RPS6: variants seen among roughly 807,000 people sequenced by gnomAD.
RPS6 encodes the protein small ribosomal subunit protein eS6.
In RPS6, 1 loss-of-function variant was observed where a neutral mutation model predicts 27.1. The ratio of observed to expected loss-of-function variants is 0.04; its 90% confidence interval spans 0.01 to 0.18. The LOEUF (loss-of-function observed/expected upper bound fraction) is 0.18. Ranked by LOEUF, RPS6 falls within the 10% of genes least tolerant of loss-of-function variation. The probability of loss-of-function intolerance (pLI) is 1.00; values close to 1 mark genes in which losing one functional copy is unlikely to be tolerated. For synonymous variants in RPS6, 152 were observed against 106.0 expected, an observed-to-expected ratio of 1.43 and a Z score of -2.66; for missense variants, 259 against 319.1, an observed-to-expected ratio of 0.81 and a Z score of 1.44.
chr9:19,376,844 T>TATAAAAATATAAGGGAAACCAA (rs1829596770), intron 4 of RPS6, 193 bp from the exon 5 acceptor site: 4 of 486,554 alleles, frequency 8.2e-6, no homozygotes, highest in Middle Eastern at 5.6e-4. Context: ...GGTTAAATAT[T>TATAAAAATATAAGGGAAACCAA]ATAAAAATAT....
In RPS6 at chr9:19,378,914, T is replaced by G; in HGVS notation, c.143A>C (p.Tyr48Ser). The G allele has an allele frequency of 6.2e-7, 1 of 1,613,984 alleles. No homozygotes were observed. Among genetic ancestry groups the G allele is most frequent in the Non-Finnish European group, 8.5e-7 (1 of 1,179,922 alleles). The change falls in exon 3 of 6, where the codon TAT becomes TCT. Residue 48 changes from tyrosine (Y) to serine (S), a missense_variant. Transcript: ENST00000380394. ...ADALGEEWKG[Y>S]VVRISGGNDK... is the part of the protein sequence containing the mutation. ...GTTCCCACCACTGATTCGGACCACA[T>G]AACCCTGCAAGAGCATACAATGAAT...
intron 2 of RPS6, 164 bp downstream of exon 2, chr9:19,379,323 C>G: frequency 6.6e-7 from 1 of 1,508,238 alleles, no homozygotes; most frequent in South Asian, 1.3e-5. Context: ...CTCTACGTCC[C>G]CCCCTCCAAG....
chr9:19,379,468 A>T lies in RPS6; in HGVS notation c.138+19T>A, dbSNP rs775837288. 6.2e-7 allele frequency: 1 copy of T among 1,614,080 alleles called. No individual in the cohort carries two copies. The highest frequency in any genetic ancestry group is 1.7e-5 in the Admixed American group (1 of 60,000). ...ACCGTCTCTGACTTAAATACCTGCA[A>T]CAATTTGTCAACTTTTACCTTCCAT... On this transcript the variant is annotated intron_variant, in intron 2 of 5. Transcript: ENST00000380394.
chr9:19,376,247 A>G lies in RPS6; in HGVS notation c.*46T>C, dbSNP rs758411939. The G allele has an allele frequency of 7.4e-6, 11 of 1,495,336 alleles. No homozygotes were observed. In the Admixed American group the frequency reaches 1.9e-4, roughly 26 times the overall value. 92.6% of individuals were successfully genotyped at this position (1,495,336 alleles called of 1,614,324 possible). On this transcript the variant is annotated 3_prime_UTR_variant, in exon 6 of 6. Coordinates refer to ENST00000380394, the MANE Select transcript of RPS6 (RefSeq NM_001010.3). ...AGTTTTCTATCAGCAATGAAAAGTC[A>G]ACAGAGATCAGAGTCTGATCTTATT...
chr9:19,376,178 A>G lies in RPS6; in HGVS notation c.*115T>C, dbSNP rs562166683. 7.1e-6 allele frequency: 6 copies of G among 845,362 alleles called. No homozygotes were observed. Among genetic ancestry groups the G allele is most frequent in the South Asian group, 5.0e-5 (3 of 59,918 alleles). The allele number at this position is 845,362 out of a possible 1,614,324, so 52.4% of individuals were successfully genotyped here. On this transcript the variant is annotated 3_prime_UTR_variant, in exon 6 of 6. Coordinates refer to ENST00000380394, the MANE Select transcript of RPS6 (RefSeq NM_001010.3). Reference sequence around the variant, plus strand: ...CACCATTGGAATACCATATATACATATCCCCATTTTCTATGACCTAACTTT... The same window carrying G: ...CACCATTGGAATACCATATATACATGTCCCCATTTTCTATGACCTAACTTT...
intron 4 of RPS6, 21 bp downstream of exon 4, chr9:19,378,347 T>G: frequency 6.2e-7 from 1 of 1,608,978 alleles, no homozygotes; most frequent in African/African-American, 1.3e-5. Flanking sequence ...AAGCAAGCCC[T>G]AATTGCATAA....
At chr9:19,377,371 C>T (rs1690622442) in intron 4 of RPS6, among the ~76,000 whole-genome samples, 1 of 151,304 alleles carries the variant, frequency 6.6e-6, no homozygotes, top group Admixed American at 6.6e-5. Context: ...TTATGGGCAA[C>T]TGCCACCTAT....
rs781718857 is a variant in RPS6, at chr9:19,379,526, G to C, written c.99C>G (p.Ala33=). The change falls in exon 2 of 6, where the codon GCC becomes GCG. Residue 33 remains alanine (A), a synonymous_variant. Transcript: ENST00000380394. ...KLRTFYEKRM[A]TEVAADALGE... ...CCAGAGCGTCAGCAGCAACTTCTGT[G>C]GCCATACGCTTCTCATAGAAAGTAC... 26 of 1,614,114 alleles carry C rather than the reference G, an allele frequency of 1.6e-5. 1 individual carries two copies. The South Asian group carries it at 2.3e-4, about 14-fold the overall frequency.
At position 19,379,502 on chromosome 9, in the gene RPS6, C is replaced by T. The variant is rs376539911; in HGVS notation, c.123G>A (p.Leu41=). The T allele has an allele frequency of 1.2e-6, 2 of 1,614,036 alleles. No individual in the cohort carries two copies. Among genetic ancestry groups the T allele is most frequent in the South Asian group, 1.1e-5 (1 of 91,072 alleles). Residue 41 remains leucine (L), a synonymous_variant, in exon 2 of 6, where the codon CTG becomes CTA. Coordinates refer to ENST00000380394, the MANE Select transcript of RPS6 (RefSeq NM_001010.3). The stretch of plus-strand genomic sequence containing the variant: ...CAACTTTTACCTTCCATTCTTCACC[C>T]AGAGCGTCAGCAGCAACTTCTGTGG... ...RMATEVAADA[L]GEEWKGYVVR...
chr9:19,379,688 G>A (rs1360798052), intron 1 of RPS6, 70 bp from the exon 2 acceptor site: 6 of 1,532,310 alleles, frequency 3.9e-6, no homozygotes, highest in Admixed American at 4.2e-5. Context: ...CATCTACAAA[G>A]TTAATTCCAC....
chr9:19,377,226 C>A (rs1829603442), intron 4 of RPS6, among the ~76,000 whole-genome samples: 2 of 152,148 alleles, frequency 1.3e-5, no homozygotes, highest in African/African-American at 4.8e-5. Context: ...TAGGAGTTAA[C>A]TGCCTTAGGC....
At chr9:19,379,076 A>G (rs1228860827) in intron 2 of RPS6, 158 bp from the exon 3 acceptor site, 4 of 830,904 alleles carry the variant, frequency 4.8e-6, no homozygotes, top group Non-Finnish European at 5.5e-6. Flanking sequence ...AGTTTTGTCT[A>G]TATTCCCAAC....
At chr9:19,379,841 A>C in intron 1 of RPS6, 1 of 1,421,948 alleles carries the variant, frequency 7.0e-7, no homozygotes, top group Non-Finnish European at 9.1e-7. Context: ...CCGCGGAATG[A>C]CTCTGGGGGC....
At chr9:19,378,616 G>A in intron 3 of RPS6, 92 bp downstream of exon 3, 1 of 1,564,094 alleles carries the variant, frequency 6.4e-7, no homozygotes, top group Non-Finnish European at 8.8e-7. Context: ...CAAATCCATT[G>A]GTCTGTAAGT....
intron 3 of RPS6, 71 bp downstream of exon 3, chr9:19,378,637 C>A: frequency 6.3e-7 from 1 of 1,580,380 alleles, no homozygotes; most frequent in Admixed American, 1.7e-5. Flanking sequence ...CTGGATACTG[C>A]AAATGAATAA....
Position 19,376,146 on chromosome 9 carries a change from C to A in RPS6, c.*147G>T. On this transcript the variant is annotated 3_prime_UTR_variant, in exon 6 of 6. Coordinates refer to ENST00000380394, the MANE Select transcript of RPS6 (RefSeq NM_001010.3). ...CCACTACCACACACAATAGGTCTGA[C>A]TTTATCCACCATTGGAATACCATAT... 1 of 693,220 alleles carries A rather than the reference C, an allele frequency of 1.4e-6. No homozygotes were observed. The highest frequency in any genetic ancestry group is 2.4e-6 in the Non-Finnish European group (1 of 417,440). The allele number at this position is 693,220 out of a possible 1,614,324, so 42.9% of individuals were successfully genotyped here. A position where few individuals can be genotyped will look rare whatever the true frequency, so the allele number is the denominator to read the frequency against.
rs1023962116 is a variant in RPS6, at chr9:19,378,741, G to C, written c.316C>G (p.Leu106Val). Residue 106 changes from leucine to valine, a missense_variant, in exon 3 of 6, where the codon CTG becomes GTG. Coordinates refer to ENST00000380394, the MANE Select transcript of RPS6 (RefSeq NM_001010.3). ...ACAATAACCAAGTTGAGAACGCTCA[G>C]ATTTGCATCCACAATGCAACCACGA... is the stretch of plus-strand genomic sequence containing the variant. ...SVRGCIVDAN[L>V]SVLNLVIVKK... 1.2e-6 allele frequency: 2 copies of C among 1,614,094 alleles called. No homozygotes were observed. Among genetic ancestry groups the C allele is most frequent in the Non-Finnish European group, 1.7e-6 (2 of 1,179,978 alleles).
chr9:19,379,810 A>T (rs1829649304), intron 1 of RPS6, 192 bp from the exon 2 acceptor site: 2 of 1,433,264 alleles, frequency 1.4e-6, no homozygotes, highest in African/African-American at 2.9e-5. Context: ...CGCACTCAGC[A>T]GGACGTTTTC....
chr9:19,379,967 G>A (rs1414510672), intron 1 of RPS6: 4 of 1,440,788 alleles, frequency 2.8e-6, no homozygotes, highest in Non-Finnish European at 3.6e-6. Context: ...TGGGCGCGGG[G>A]ACGCCACCAT....
Sources: gnomAD v4.1 joint callset for allele counts (sites outside exome capture counted in the v4.1 genomes callset) on GRCh38, gnomAD v4.1.1 for gene constraint, MANE v1.5 for transcripts, NCBI Gene and HGNC (gene_info 2026-07-23, HGNC 2026-07-21) for gene names.